PLA2G4F: variants seen among roughly 807,000 people sequenced by gnomAD.
The protein encoded by PLA2G4F is phospholipase A2 group IVF.
In PLA2G4F, 105 loss-of-function variants were observed where a neutral mutation model predicts 103.1. The observed-to-expected ratio is 1.02, with a 90% CI of 0.87 to 1.20. The LOEUF is 1.20. PLA2G4F is among the 50% of genes most tolerant of loss of function. The probability of loss-of-function intolerance (pLI) is 0.00; values close to 1 mark genes in which losing one functional copy is unlikely to be tolerated. For synonymous variants in PLA2G4F, 468 were observed against 441.1 expected (o/e 1.06, Z -0.76); for missense variants, 1,155 against 1,075.9 (o/e 1.07, Z -1.03).
At position 42,145,551 on chromosome 15, in the gene PLA2G4F, G is replaced by A. The variant is rs757879055; in HGVS notation, c.1780+24C>T. On this transcript the variant is annotated intron_variant, in intron 16 of 19. Coordinates refer to ENST00000397272, the MANE Select transcript of PLA2G4F (RefSeq NM_213600.4). ...CCTGTTGCTGGAATGTGGTGTGGGAGGGGCTCGGGGTCGCTACCCTCACCT... is the reference window on the plus strand; with the variant it reads ...CCTGTTGCTGGAATGTGGTGTGGGAAGGGCTCGGGGTCGCTACCCTCACCT... 39 of 1,601,094 alleles carry A rather than the reference G, an allele frequency of 2.4e-5. No individual in the cohort carries two copies. In the Admixed American group the frequency reaches 6.5e-4, roughly 27 times the overall value.
chr15:42,147,794 C>G, intron 11 of PLA2G4F, 32 bp from the exon 12 acceptor site: 1 of 1,610,528 alleles, frequency 6.2e-7, no homozygotes, highest in Non-Finnish European at 8.5e-7. Context: ...ATAACGACTC[C>G]GACTACCACC....
At chr15:42,148,260 A>C (rs2048915527) in intron 11 of PLA2G4F, among the ~76,000 whole-genome samples, 1 of 152,036 alleles carries the variant, frequency 6.6e-6, no homozygotes, top group South Asian at 2.1e-4. Context: ...TAATGTGCCC[A>C]AGATCATACA....
Position 42,145,598 on chromosome 15 carries a change from T to C in PLA2G4F, c.1757A>G (p.Tyr586Cys), listed in dbSNP as rs1318529643. 1.2e-6 allele frequency: 2 copies of C among 1,614,002 alleles called. No homozygotes were observed. The highest frequency in any genetic ancestry group is 2.2e-5 in the East Asian group (1 of 44,894). Residue 586 changes from tyrosine (Y) to cysteine (C), a missense_variant, in exon 16 of 20, where the codon TAC becomes TGC. This residue lies in a region of PLA2G4F where 782 missense variants were observed against 692.9 expected (regional missense o/e 1.13). Coordinates refer to ENST00000397272, the MANE Select transcript of PLA2G4F (RefSeq NM_213600.4). Reference sequence around the variant, plus strand: ...ACCTGTGATATTCACACTGCCTCTGTACCACTCCAGGAAGCTGAGGCCCGA... The same window carrying C: ...ACCTGTGATATTCACACTGCCTCTGCACCACTCCAGGAAGCTGAGGCCCGA... ...AGSGLSFLEWYRGSVNITDDC... is the reference protein window; with the variant it reads ...AGSGLSFLEWCRGSVNITDDC...
rs677845 is a variant in PLA2G4F, at chr15:42,154,200, G to A, written c.342C>T (p.Leu114=). 0.015 allele frequency: 24,135 copies of A among 1,614,194 alleles called. 1,338 individuals are homozygous for A. The highest frequency in any genetic ancestry group is 0.15 in the Admixed American group (8,935 of 60,016). The change falls in exon 4 of 20, where the codon CTC becomes CTT. Residue 114 remains leucine (L), a synonymous_variant. Transcript: ENST00000397272. ...GAVKNVLELT[L]YDKDILGSDQ... ...CGCTGCCCAGGATGTCCTTGTCATA[G>A]AGGGTGAGCTCCAGGACGTTCTGGG...
At chr15:42,151,053 G>C (rs997719789) in intron 7 of PLA2G4F, 4 of 985,248 alleles carry the variant, frequency 4.1e-6, no homozygotes, top group African/African-American at 1.7e-5. Context: ...AGGGAGAGGG[G>C]CCCTGCCCAG....
At chr15:42,153,858 G>C (rs1167733455) in intron 4 of PLA2G4F, among the ~76,000 whole-genome samples, 198 bp from the exon 5 acceptor site, 1 of 152,246 alleles carries the variant, frequency 6.6e-6, no homozygotes, top group Non-Finnish European at 1.5e-5. Context: ...TGCTGTTCTA[G>C]ACATTGATAA....
chr15:42,145,251 C>T (rs543104133), intron 16 of PLA2G4F, among the ~76,000 whole-genome samples: 4 of 152,286 alleles, frequency 2.6e-5, no homozygotes, highest in South Asian at 2.1e-4. Context: ...GGGAGAAAAG[C>T]GGGAAGGGTG....
rs924622354 is a variant in PLA2G4F, at chr15:42,140,140, T to G, written c.*1844A>C. ...GAAAGCATTGCATGCTTTTTTGTGGTTGGTGGGTGACGATCCATTTCTTAG... is the reference window on the plus strand; with the variant it reads ...GAAAGCATTGCATGCTTTTTTGTGGGTGGTGGGTGACGATCCATTTCTTAG... On this transcript the variant is annotated 3_prime_UTR_variant, in exon 20 of 20. Transcript: ENST00000397272. The G allele has an allele frequency of 1.3e-5, 2 of 152,180 alleles. No homozygotes were observed. Among genetic ancestry groups the G allele is most frequent in the African/African-American group, 4.8e-5 (2 of 41,436 alleles). 9.4% of individuals were successfully genotyped at this position (152,180 alleles called of 1,614,324 possible).
chr15:42,151,246 T>C lies in PLA2G4F; in HGVS notation c.602-469A>G, dbSNP rs897359572. 9 of 984,870 alleles carry C rather than the reference T, an allele frequency of 9.1e-6. No individual in the cohort carries two copies. In the African/African-American group the frequency reaches 1.2e-4, roughly 13 times the overall value. 61.0% of individuals were successfully genotyped at this position (984,870 alleles called of 1,614,324 possible). ...GCCTTTGTTTCCAAGTGTAGAACGT[T>C]GGGAGAGGAAGGTTTGTAGAGGCGG... On this transcript the variant is annotated intron_variant, in intron 7 of 19. Transcript: ENST00000397272.
rs1401395604 is a variant in PLA2G4F, at chr15:42,150,485, C to A, written c.773G>T (p.Ser258Ile). The A allele has an allele frequency of 1.2e-6, 2 of 1,611,542 alleles. No homozygotes were observed. Among genetic ancestry groups the A allele is most frequent in the Admixed American group, 3.4e-5 (2 of 59,650 alleles). ...ELMELLAAVQSGPSAELEAQT... is the reference protein window; with the variant it reads ...ELMELLAAVQIGPSAELEAQT... ...AGCCTCCAACTCTGCGCTGGGGCCA[C>A]TCTGTGGAAAAGAAAACACCCAAGA... Residue 258 changes from serine (S) to isoleucine (I), a missense_variant and splice_region_variant, in exon 9 of 20, where the codon AGT (serine) becomes ATT (isoleucine). Coordinates refer to ENST00000397272, the MANE Select transcript of PLA2G4F (RefSeq NM_213600.4).
In PLA2G4F at chr15:42,144,435, C is replaced by T. The variant is rs543932614; in HGVS notation, c.1975+15G>A. On this transcript the variant is annotated intron_variant, in intron 17 of 19. Transcript: ENST00000397272. ...GAAGGGAAGCCCCCCATCTCCCACC[C>T]AAGGCAGCACCCACCTTTCCAGGCC... 8.1e-6 allele frequency: 13 copies of T among 1,611,638 alleles called. No homozygotes were observed. In the Admixed American group the frequency reaches 2.2e-4, roughly 27 times the overall value.
At position 42,154,428 on chromosome 15, in the gene PLA2G4F, C is replaced by T. The variant is rs1478298813; in HGVS notation, c.215G>A (p.Trp72Ter). 6.2e-7 allele frequency: 1 copy of T among 1,605,958 alleles called. No homozygotes were observed. The highest frequency in any genetic ancestry group is 1.3e-5 in the African/African-American group (1 of 74,748). The change falls in exon 3 of 20, where the codon TGG becomes TAG. Residue 72 changes from tryptophan to a stop codon, truncating the protein, a stop_gained. Transcript: ENST00000397272. LOFTEE classifies it high-confidence loss of function. Reference protein sequence around the residue: ...LSKADCYVQLWLPTASPSPAQ... With the variant: ...LSKADCYVQL ...AGGGCTTGGGGACGCCGTGGGCAGC[C>T]ACAGTTGCACATAGCAGTCGGCTTT...
In PLA2G4F at chr15:42,152,689, G is replaced by A. The variant is rs1444729721; in HGVS notation, c.600C>T (p.Tyr200=). The change falls in exon 7 of 20, where the codon TAC becomes TAT. Residue 200 remains tyrosine (Y), a splice_region_variant and synonymous_variant. Coordinates refer to ENST00000397272, the MANE Select transcript of PLA2G4F (RefSeq NM_213600.4). ...CCCAAGGCCGCTGAGCAGACTCACC[G>A]TACTCTTCCCGTGGGGCTGTCCCAT... ...RGDGTAPREE[Y]GSRQLQLAVP... 18 of 1,555,262 alleles carry A rather than the reference G, an allele frequency of 1.2e-5. No individual in the cohort carries two copies. Among genetic ancestry groups the A allele is most frequent in the Non-Finnish European group, 1.5e-5 (17 of 1,148,774 alleles).
chr15:42,154,552 T>C (rs2048993293), intron 2 of PLA2G4F, 94 bp from the exon 3 acceptor site: 1 of 1,396,516 alleles, frequency 7.2e-7, no homozygotes, highest in Non-Finnish European at 9.4e-7. Flanking sequence ...AGGAGCAGAG[T>C]GGGGAGGGGA....
At chr15:42,143,706 G>A (rs2048848236) in intron 18 of PLA2G4F, among the ~76,000 whole-genome samples, 2 of 152,196 alleles carry the variant, frequency 1.3e-5, no homozygotes, top group African/African-American at 4.8e-5. Context: ...TATGGATGAG[G>A]CTAGAAGATT....
chr15:42,148,700 A>G (rs2140808477), intron 11 of PLA2G4F: 1 of 985,314 alleles, frequency 1.0e-6, no homozygotes, highest in African/African-American at 1.7e-5. Context: ...CAGAGGTTTT[A>G]AGGTCTCAGG....
At chr15:42,149,327 C>T (rs1389843987) in intron 11 of PLA2G4F, among the ~76,000 whole-genome samples, 1 of 152,170 alleles carries the variant, frequency 6.6e-6, no homozygotes, top group East Asian at 1.9e-4. Flanking sequence ...GCACGCTCTG[C>T]ACACATGCAC....
intron 16 of PLA2G4F, among the ~76,000 whole-genome samples, chr15:42,144,900 AAT>A (rs1282997915): frequency 5.8e-4 from 87 of 150,396 alleles, no homozygotes; most frequent in African/African-American, 2.1e-3. Flanking sequence ...CCCTTCCTAA[AAT>A]AAAGTTTGAG....
intron 7 of PLA2G4F, among the ~76,000 whole-genome samples, chr15:42,152,076 G>C (rs2048966818): frequency 1.3e-5 from 2 of 152,190 alleles, no homozygotes; most frequent in South Asian, 4.1e-4. Context: ...TCCCTGCCTG[G>C]GTGGCTGTCC....
Sources: gnomAD v4.1 joint callset for allele counts (sites outside exome capture counted in the v4.1 genomes callset) on GRCh38, gnomAD v4.1.1 for gene constraint, gnomAD v4.1.1 regional missense constraint, MANE v1.5 for transcripts, NCBI Gene and HGNC (gene_info 2026-07-23, HGNC 2026-07-21) for gene names.